SENP7: variants seen among roughly 807,000 people sequenced by gnomAD.
SENP7 encodes the protein sentrin-specific protease 7.
Under a neutral mutation model 141.2 loss-of-function variants are expected in SENP7, and 64 were observed. The ratio of observed to expected loss-of-function variants is 0.45; its 90% confidence interval spans 0.37 to 0.56. The LOEUF (loss-of-function observed/expected upper bound fraction) is 0.56, where lower values mean the gene tolerates loss of function less well. SENP7 is among the 20% of genes least tolerant of loss of function. The pLI is 0.00. For synonymous variants in SENP7, 382 were observed against 426.4 expected (o/e 0.90, Z 1.28); for missense variants, 1,025 against 1,212.2 (o/e 0.85, Z 2.29).
chr3:101,433,985 C>T (rs1419037376), intron 4 of SENP7, among the ~76,000 whole-genome samples: 1 of 148,314 alleles, frequency 6.7e-6, no homozygotes, highest in Non-Finnish European at 1.5e-5. Flanking sequence ...AGAATACATT[C>T]TTTTCCTCAG....
chr3:101,377,279 A>T (rs1426400892), intron 6 of SENP7, among the ~76,000 whole-genome samples: 2 of 152,128 alleles, frequency 1.3e-5, no homozygotes, highest in African/African-American at 4.8e-5. Context: ...AGAAAAGTGA[A>T]GTCACAGGAT....
At chr3:101,326,411 T>C (rs2058900437) in intron 23 of SENP7, among the ~76,000 whole-genome samples, 1 of 152,098 alleles carries the variant, frequency 6.6e-6, no homozygotes, top group South Asian at 2.1e-4. Context: ...CTATATATTA[T>C]CCTTCCTCTC....
At chr3:101,452,952 T>C (rs1010194055) in intron 4 of SENP7, among the ~76,000 whole-genome samples, 2 of 152,156 alleles carry the variant, frequency 1.3e-5, no homozygotes, top group African/African-American at 4.8e-5. Context: ...GAGAAAATTT[T>C]TGCAACCTAC....
At position 101,361,800 on chromosome 3, in the gene SENP7, C is replaced by G; in HGVS notation, c.1538G>C (p.Ser513Thr). Residue 513 changes from serine (S) to threonine (T), a missense_variant, in exon 11 of 24, where the codon AGT becomes ACT. Physicochemically the swap from Ser to Thr is moderately conservative, Grantham distance 58 (BLOSUM62 1). This residue lies in a region of SENP7 where 228 missense variants were observed against 228.5 expected (regional missense o/e 1.00). Coordinates refer to ENST00000394095, the MANE Select transcript of SENP7 (RefSeq NM_020654.5). The part of the protein sequence containing the change: ...VMENISSIMP[S>T]NEMDLQLDFI... ...ATCCAGTTGTAGATCCATCTCATTA[C>G]TAGGCATAATACTGGAAATGTTCTC... The G allele has an allele frequency of 6.2e-7, 1 of 1,608,748 alleles. No individual in the cohort carries two copies. Among genetic ancestry groups the G allele is most frequent in the Non-Finnish European group, 8.5e-7 (1 of 1,178,104 alleles).
rs2058857975 is a variant in SENP7, at chr3:101,324,765, G to A, written c.*1178C>T. ...GCTTAAAACAGATTAAAATAATATT[G>A]TTAAAAAACATTTTTCTTATCTGAG... On this transcript the variant is annotated 3_prime_UTR_variant, in exon 24 of 24. Transcript: ENST00000394095. The A allele has an allele frequency of 6.6e-6, 1 of 151,882 alleles. No individual in the cohort carries two copies. The highest frequency in any genetic ancestry group is 1.5e-5 in the Non-Finnish European group (1 of 67,920). 9.4% of individuals were successfully genotyped at this position (151,882 alleles called of 1,614,324 possible). A position where few individuals can be genotyped will look rare whatever the true frequency, so the allele number is the denominator to read the frequency against.
chr3:101,506,766 G>T (rs1204783541), intron 1 of SENP7, among the ~76,000 whole-genome samples: 1 of 152,194 alleles, frequency 6.6e-6, no homozygotes, highest in African/African-American at 2.4e-5. Context: ...ACTGAACTGG[G>T]CTTGGGCTGA....
chr3:101,341,770 T>C lies in SENP7; in HGVS notation c.2116A>G (p.Thr706Ala). The C allele has an allele frequency of 1.3e-6, 2 of 1,598,160 alleles. No individual in the cohort carries two copies. Among genetic ancestry groups the C allele is most frequent in the African/African-American group, 2.7e-5 (2 of 74,900 alleles). ...GTGTAAGTAGGCTTGGCCGCATCTGTGTTTGAGGGCTGACAGAAAGTGGCA... is the reference window on the plus strand; with the variant it reads ...GTGTAAGTAGGCTTGGCCGCATCTGCGTTTGAGGGCTGACAGAAAGTGGCA... ...KLKSVSQPSN[T>A]DAAKPTYTFL... The change falls in exon 15 of 24, where the codon ACA (threonine) becomes GCA (alanine). Residue 706 changes from threonine (T) to alanine (A), a missense_variant. Thr to Ala is a moderately conservative substitution (Grantham distance 58, BLOSUM62 0). Coordinates refer to ENST00000394095, the MANE Select transcript of SENP7 (RefSeq NM_020654.5).
At chr3:101,390,342 GAAA>G (rs375807905) in intron 6 of SENP7, among the ~76,000 whole-genome samples, 1 of 132,202 alleles carries the variant, frequency 7.6e-6, no homozygotes. Context: ...TACATTGACC[GAAA>G]AAAAAAAAAA....
chr3:101,341,223 T>C (rs1439941165), intron 15 of SENP7, among the ~76,000 whole-genome samples: 1 of 152,164 alleles, frequency 6.6e-6, no homozygotes, highest in African/African-American at 2.4e-5. Flanking sequence ...AAGACATGGA[T>C]GAAATATGAA....
At chr3:101,478,851 C>G (rs2064331592) in intron 3 of SENP7, among the ~76,000 whole-genome samples, 1 of 152,008 alleles carries the variant, frequency 6.6e-6, no homozygotes, top group South Asian at 2.1e-4. Context: ...AGATAATACA[C>G]CATAATCTAA....
At chr3:101,394,710 C>CTAAATG (rs2060917948) in intron 6 of SENP7, among the ~76,000 whole-genome samples, 2 of 151,716 alleles carry the variant, frequency 1.3e-5, no homozygotes, top group African/African-American at 4.8e-5. Context: ...TTTTAGTTTT[C>CTAAATG]TGAGAAATCT....
chr3:101,379,686 C>T (rs572177275), intron 6 of SENP7, among the ~76,000 whole-genome samples: 1 of 152,036 alleles, frequency 6.6e-6, no homozygotes, highest in Non-Finnish European at 1.5e-5. Context: ...CAAGTATTGG[C>T]GAGATATGGA....
At chr3:101,474,451 T>A (rs2064134109) in intron 3 of SENP7, among the ~76,000 whole-genome samples, 1 of 152,182 alleles carries the variant, frequency 6.6e-6, no homozygotes, top group South Asian at 2.1e-4. Context: ...CAGTTCTGAA[T>A]GAGTTCGTTC....
intron 5 of SENP7, among the ~76,000 whole-genome samples, chr3:101,416,385 T>C (rs377700994): frequency 1.3e-5 from 2 of 152,188 alleles, no homozygotes; most frequent in Non-Finnish European, 1.5e-5. Context: ...GATGAGGCGA[T>C]TGATGAGTTT....
intron 2 of SENP7, among the ~76,000 whole-genome samples, chr3:101,499,472 G>A (rs2065286478): frequency 1.3e-5 from 2 of 151,548 alleles, no homozygotes; most frequent in African/African-American, 4.9e-5. Flanking sequence ...GGGTTCAAGC[G>A]ATTTTCCTGC....
intron 4 of SENP7, among the ~76,000 whole-genome samples, chr3:101,456,772 T>A (rs752412561): frequency 6.6e-6 from 1 of 152,166 alleles, no homozygotes; most frequent in East Asian, 1.9e-4. Flanking sequence ...TTAAATAATA[T>A]AAGTATTTTT....
At chr3:101,485,317 CAT>C (rs1416821799) in intron 3 of SENP7, among the ~76,000 whole-genome samples, 3 of 151,986 alleles carry the variant, frequency 2.0e-5, no homozygotes, top group Admixed American at 1.3e-4. Flanking sequence ...AAAAATAGAA[CAT>C]TAAAACACCA....
In SENP7 at chr3:101,384,768, TAA is replaced by T. The variant is rs2060605200; in HGVS notation, c.678-12644_678-12643del. Among the ~76,000 whole-genome samples the T allele has an allele frequency of 4.6e-5, 7 of 152,098 alleles. No individual in the cohort carries two copies. The South Asian group carries it at 1.4e-3, about 31-fold the overall frequency. ...GCAGAACAAGCCCAGCAGACCCAAG[TAA>T]AACTCAGGCAAAGAGGTCACCAGCT... On this transcript the variant is annotated intron_variant, in intron 6 of 23. Transcript: ENST00000394095.
At chr3:101,436,120 T>A (rs2062377898) in intron 4 of SENP7, among the ~76,000 whole-genome samples, 1 of 151,908 alleles carries the variant, frequency 6.6e-6, no homozygotes, top group Admixed American at 6.6e-5. Flanking sequence ...AACAAACCCA[T>A]ACACCTACAG....
Sources: allele counts gnomAD v4.1 joint callset (sites outside exome capture counted in the v4.1 genomes callset), GRCh38; gene constraint gnomAD v4.1.1; regional missense constraint gnomAD v4.1.1; transcripts MANE v1.5; gene names NCBI Gene and HGNC (gene_info 2026-07-23, HGNC 2026-07-21).